Variants in CHST9 observed in about 807,000 individuals in gnomAD.
CHST9 encodes the protein carbohydrate sulfotransferase 9.
CHST9 carries 41 observed loss-of-function variants against 44.4 expected under a neutral mutation model. That is an observed-to-expected ratio of 0.92 (90% CI 0.72 to 1.20). The LOEUF is 1.20. Among genes scored for constraint, CHST9 ranks in the 50% most tolerant of loss-of-function variants. The pLI is 0.00. For missense variants in CHST9, 504 were observed against 516.5 expected (o/e 0.98, Z 0.23); for synonymous variants, 171 against 178.4 (o/e 0.96, Z 0.33).
At chr18:27,156,237 A>G (rs1483561351) in intron 1 of CHST9, among the ~76,000 whole-genome samples, 4 of 152,004 alleles carry the variant, frequency 2.6e-5, no homozygotes, top group Admixed American at 2.6e-4. Flanking sequence ...AGAAAATCAA[A>G]AAGGACCAAA....
intron 5 of CHST9, among the ~76,000 whole-genome samples, chr18:26,929,443 G>C (rs1250874084): frequency 6.6e-6 from 1 of 152,220 alleles, no homozygotes; most frequent in African/African-American, 2.4e-5. Context: ...TCCAAAATGT[G>C]AATGCATCCT....
intron 2 of CHST9, among the ~76,000 whole-genome samples, chr18:27,113,021 C>T (rs940353930): frequency 3.9e-5 from 6 of 152,012 alleles, no homozygotes; most frequent in Admixed American, 2.6e-4. Context: ...AACCCCGCCT[C>T]TACTAAAAAT....
chr18:27,142,462 C>A (rs1273440257), intron 2 of CHST9, among the ~76,000 whole-genome samples: 1 of 152,098 alleles, frequency 6.6e-6, no homozygotes, highest in African/African-American at 2.4e-5. Flanking sequence ...CACTGCTATT[C>A]CCCCACTGAG....
chr18:27,038,119 C>G (rs73402893), intron 3 of CHST9, among the ~76,000 whole-genome samples: 2,047 of 152,198 alleles, frequency 0.013, 50 homozygotes, highest in African/African-American at 0.048. Context: ...TCTTTTTATT[C>G]TCTCTCTTAT....
intron 5 of CHST9, among the ~76,000 whole-genome samples, chr18:26,942,248 C>T (rs2056094347): frequency 6.6e-6 from 1 of 152,004 alleles, no homozygotes. Flanking sequence ...AATTGTATTG[C>T]CAGTGTATCA....
intron 1 of CHST9, among the ~76,000 whole-genome samples, chr18:27,170,866 A>T (rs1228290282): frequency 2.0e-5 from 3 of 152,214 alleles, no homozygotes; most frequent in Non-Finnish European, 4.4e-5. Flanking sequence ...TATTAGTCCC[A>T]AAAGGCTGTC....
Position 26,916,571 on chromosome 18 carries a change from G to T in CHST9, c.1020C>A (p.Ser340=). The T allele has an allele frequency of 6.2e-7, 1 of 1,613,758 alleles. No individual in the cohort carries two copies. Among genetic ancestry groups the T allele is most frequent in the Non-Finnish European group, 8.5e-7 (1 of 1,179,728 alleles). Residue 340 remains serine (S), a synonymous_variant, in exon 6 of 6, where the codon TCC becomes TCA. Transcript: ENST00000618847. ...FKEFIHYLLD[S]HRPVGMDIHW... ...GAATGTCCATTCCTACTGGACGGTG[G>T]GAATCCAGCAAGTAGTGGATAAACT...
chr18:26,932,910 G>C (rs569709928), intron 5 of CHST9: 60 of 153,838 alleles, frequency 3.9e-4, no homozygotes, highest in African/African-American at 1.4e-3. Context: ...TTTCTCTGGG[G>C]TTTTATCACC....
At chr18:26,926,446 G>A (rs232330) in intron 5 of CHST9, among the ~76,000 whole-genome samples, 9 of 151,888 alleles carry the variant, frequency 5.9e-5, no homozygotes, top group African/African-American at 1.5e-4. Flanking sequence ...CATCAGAAGC[G>A]GAAAACTGAC....
intron 4 of CHST9, among the ~76,000 whole-genome samples, chr18:26,969,368 C>G (rs1345202595): frequency 4.3e-3 from 404 of 94,070 alleles, no homozygotes; most frequent in Middle Eastern, 4.9e-3. Context: ...GATTCTCTCT[C>G]TCTCTCTCTG....
chr18:27,002,666 T>C (rs543770770), intron 4 of CHST9, among the ~76,000 whole-genome samples: 23 of 152,312 alleles, frequency 1.5e-4, no homozygotes, highest in African/African-American at 5.5e-4. Context: ...GTTAGGTGTA[T>C]TAAATGCATT....
intron 4 of CHST9, among the ~76,000 whole-genome samples, chr18:26,991,388 A>G (rs974134209): frequency 6.6e-5 from 10 of 152,232 alleles, no homozygotes; most frequent in African/African-American, 2.4e-4. Context: ...GGACATGTGG[A>G]AGACTGTAGA....
At chr18:26,964,947 A>G (rs368672157) in intron 4 of CHST9, among the ~76,000 whole-genome samples, 94 of 152,304 alleles carry the variant, frequency 6.2e-4, no homozygotes, top group African/African-American at 2.1e-3. Context: ...AGTGGTCAGA[A>G]GGAAGGTCAG....
intron 2 of CHST9, among the ~76,000 whole-genome samples, chr18:27,086,683 T>G (rs1175322494): frequency 2.0e-5 from 3 of 152,190 alleles, no homozygotes; most frequent in Non-Finnish European, 2.9e-5. Context: ...TCTGAAAGTG[T>G]TTTTAATAAA....
At chr18:27,045,700 T>C (rs1329185652) in intron 3 of CHST9, among the ~76,000 whole-genome samples, 1 of 152,046 alleles carries the variant, frequency 6.6e-6, no homozygotes, top group Non-Finnish European at 1.5e-5. Context: ...TCAAGGAGGA[T>C]ATAATTTGAA....
At chr18:27,058,957 T>C (rs937187350) in intron 2 of CHST9, among the ~76,000 whole-genome samples, 1 of 152,194 alleles carries the variant, frequency 6.6e-6, no homozygotes, top group African/African-American at 2.4e-5. Flanking sequence ...TATATATTGA[T>C]ATTTTTTTTC....
intron 4 of CHST9, among the ~76,000 whole-genome samples, chr18:26,965,632 T>G (rs2056455070): frequency 6.6e-6 from 1 of 152,196 alleles, no homozygotes. Flanking sequence ...ACAATAAAAT[T>G]TACTGCATGG....
intron 2 of CHST9, among the ~76,000 whole-genome samples, chr18:27,063,025 T>A (rs888385781): frequency 3.3e-5 from 5 of 152,138 alleles, no homozygotes; most frequent in African/African-American, 1.2e-4. Context: ...CAGGGGCAGG[T>A]GTGTCATGAC....
Position 27,163,039 on chromosome 18 carries a change from C to T in CHST9, c.-96-20134G>A, listed in dbSNP as rs192313156. Among the ~76,000 whole-genome samples, 223 of 152,238 alleles carry T rather than the reference C, an allele frequency of 1.5e-3. 1 individual carries two copies. Among genetic ancestry groups the T allele is most frequent in the Non-Finnish European group, 2.6e-3 (174 of 68,006 alleles). Reference sequence around the variant, plus strand: ...TAGTTTTCCTTCTAACAGTCAGGACCCTCAGCTGCAGGTCTGTTGGAGTTT... The same window carrying T: ...TAGTTTTCCTTCTAACAGTCAGGACTCTCAGCTGCAGGTCTGTTGGAGTTT... On this transcript the variant is annotated intron_variant, in intron 1 of 5. Transcript: ENST00000618847.
Sources: allele counts gnomAD v4.1 joint callset (sites outside exome capture counted in the v4.1 genomes callset), GRCh38; gene constraint gnomAD v4.1.1; transcripts MANE v1.5; gene names NCBI Gene and HGNC (gene_info 2026-07-23, HGNC 2026-07-21).